NRXN3: variants seen among roughly 807,000 people sequenced by gnomAD.
The protein encoded by NRXN3 is neurexin III.
Under a neutral mutation model 137.6 loss-of-function variants are expected in NRXN3, and 32 were observed. The ratio of observed to expected loss-of-function variants is 0.23; its 90% CI spans 0.18 to 0.31. NRXN3 has a LOEUF of 0.31. Among genes scored for constraint, NRXN3 ranks in the 10% least tolerant of loss-of-function variants. NRXN3 has a pLI of 1.00. For synonymous variants in NRXN3, 798 were observed against 784.5 expected, an observed-to-expected ratio of 1.02 and a Z score of -0.29; for missense variants, 1,574 against 2,062.5, an observed-to-expected ratio of 0.76 and a Z score of 4.59.
intron 20 of NRXN3, among the ~76,000 whole-genome samples, chr14:79,817,070 A>AT (rs996728248): frequency 6.6e-4 from 100 of 150,876 alleles, no homozygotes; most frequent in Non-Finnish European, 9.8e-4. Flanking sequence ...AATTATTATT[A>AT]TTTTTTTTTG....
chr14:79,113,443 G>A (rs191451506), intron 15 of NRXN3, among the ~76,000 whole-genome samples: 3 of 152,216 alleles, frequency 2.0e-5, no homozygotes, highest in Non-Finnish European at 2.9e-5. Flanking sequence ...TGTGTCTTTA[G>A]TCTCTTAATC....
chr14:78,278,480 G>A (rs10134857), intron 2 of NRXN3, among the ~76,000 whole-genome samples, 165 bp from the exon 3 acceptor site: 149,851 of 152,300 alleles, frequency 0.98, 73,746 homozygotes, highest in East Asian at 1. Flanking sequence ...GGGTGAAGGT[G>A]GAACTAAGTG....
chr14:78,359,011 C>T (rs917997244), intron 4 of NRXN3, among the ~76,000 whole-genome samples: 7 of 152,038 alleles, frequency 4.6e-5, no homozygotes, highest in African/African-American at 1.7e-4. Flanking sequence ...CATTCTTTTC[C>T]TTTATACTAA....
At chr14:78,911,068 T>C (rs1019936786) in intron 10 of NRXN3, among the ~76,000 whole-genome samples, 1 of 152,228 alleles carries the variant, frequency 6.6e-6, no homozygotes, top group African/African-American at 2.4e-5. Context: ...TTAAGATAAT[T>C]TTATGGTAAC....
At chr14:79,448,583 G>T (rs751738884) in intron 15 of NRXN3, among the ~76,000 whole-genome samples, 2 of 152,156 alleles carry the variant, frequency 1.3e-5, no homozygotes, top group African/African-American at 2.4e-5. Context: ...AGAGGATAGA[G>T]AATAAGACTT....
intron 15 of NRXN3, among the ~76,000 whole-genome samples, chr14:79,041,093 C>G (rs983555131): frequency 1.3e-5 from 2 of 152,102 alleles, no homozygotes; most frequent in African/African-American, 4.8e-5. Context: ...AGTAAAAATA[C>G]CTGAGTTCAA....
intron 1 of NRXN3, among the ~76,000 whole-genome samples, chr14:78,192,303 A>T (rs941783671): frequency 3.3e-5 from 5 of 151,878 alleles, no homozygotes; most frequent in African/African-American, 1.2e-4. Context: ...GAATTTTGAA[A>T]CCTGTCTGGG....
chr14:79,260,184 A>G (rs1341750115), intron 15 of NRXN3, among the ~76,000 whole-genome samples: 1 of 152,210 alleles, frequency 6.6e-6, no homozygotes, highest in East Asian at 1.9e-4. Context: ...GTTCTCTCAT[A>G]CACAAATACA....
intron 8 of NRXN3, among the ~76,000 whole-genome samples, chr14:78,801,048 G>T (rs564776595): frequency 6.6e-6 from 1 of 152,194 alleles, no homozygotes; most frequent in African/African-American, 2.4e-5. Flanking sequence ...GAGGCCGGGC[G>T]CAGTGGCTCA....
intron 4 of NRXN3, among the ~76,000 whole-genome samples, chr14:78,483,778 G>A (rs2153742755): frequency 6.6e-6 from 1 of 152,274 alleles, no homozygotes; most frequent in South Asian, 2.1e-4. Flanking sequence ...AGACCCTAGA[G>A]TTCATTTTAC....
rs189532480 is a variant in NRXN3 at position 79,291,420 on chromosome 14, G to A, written c.3263-175801G>A. Reference sequence around the variant, plus strand: ...TATTTTAGCAGAGATGGGGTCTTGCGGTATTGTCCAGACCAGTCTCAAACT... The same window carrying A: ...TATTTTAGCAGAGATGGGGTCTTGCAGTATTGTCCAGACCAGTCTCAAACT... On this transcript the variant is annotated intron_variant, in intron 15 of 20. Coordinates refer to ENST00000335750, the MANE Select transcript of NRXN3 (RefSeq NM_001330195.2). Among the ~76,000 whole-genome samples the A allele has an allele frequency of 3.0e-3, 452 of 151,478 alleles. 2 individuals carry two copies. Among genetic ancestry groups the A allele is most frequent in the Middle Eastern group, 0.01 (3 of 294 alleles).
chr14:79,442,204 T>C (rs1004299593), intron 15 of NRXN3, among the ~76,000 whole-genome samples: 3 of 152,244 alleles, frequency 2.0e-5, no homozygotes, highest in African/African-American at 7.2e-5. Flanking sequence ...TATGATGATA[T>C]AAGCATTGTT....
At chr14:79,845,536 G>T (rs891687410) in intron 20 of NRXN3, among the ~76,000 whole-genome samples, 2 of 152,046 alleles carry the variant, frequency 1.3e-5, no homozygotes, top group Admixed American at 1.3e-4. Context: ...GGGGTGGGGG[G>T]CTGGAGAGAG....
At chr14:79,530,781 T>C (rs2097163249) in intron 16 of NRXN3, among the ~76,000 whole-genome samples, 1 of 152,104 alleles carries the variant, frequency 6.6e-6, no homozygotes, top group South Asian at 2.1e-4. Flanking sequence ...AACAAAAAGT[T>C]CTTTGCTGGA....
intron 20 of NRXN3, among the ~76,000 whole-genome samples, chr14:79,830,570 T>C (rs553803241): frequency 6.6e-6 from 1 of 152,308 alleles, no homozygotes; most frequent in East Asian, 1.9e-4. Flanking sequence ...GGGTTGCCTA[T>C]AGGCCTGAGA....
At chr14:79,607,408 G>A (rs931001454) in intron 16 of NRXN3, among the ~76,000 whole-genome samples, 10 of 152,172 alleles carry the variant, frequency 6.6e-5, no homozygotes, top group African/African-American at 2.4e-4. Context: ...AGAGAGACAG[G>A]AAGAGACTGT....
At chr14:79,144,057 C>T (rs1238470414) in intron 15 of NRXN3, among the ~76,000 whole-genome samples, 2 of 152,126 alleles carry the variant, frequency 1.3e-5, no homozygotes, top group East Asian at 3.9e-4. Context: ...TTAGAAATAG[C>T]CAAGAAGGCA....
intron 4 of NRXN3, among the ~76,000 whole-genome samples, chr14:78,316,406 T>C (rs984688907): frequency 6.6e-5 from 10 of 152,244 alleles, no homozygotes; most frequent in African/African-American, 1.7e-4. Context: ...ACCTATATAA[T>C]AAGATATTTT....
At chr14:78,535,318 A>G (rs1162091009) in intron 4 of NRXN3, among the ~76,000 whole-genome samples, 1 of 152,078 alleles carries the variant, frequency 6.6e-6, no homozygotes, top group Non-Finnish European at 1.5e-5. Flanking sequence ...GCTTAGTTTC[A>G]CTCTGGATTA....
Sources: allele counts gnomAD v4.1 joint callset (sites outside exome capture counted in the v4.1 genomes callset), GRCh38; gene constraint gnomAD v4.1.1; transcripts MANE v1.5; gene names NCBI Gene and HGNC (gene_info 2026-07-23, HGNC 2026-07-21).